ENOX2: variants seen among roughly 807,000 people sequenced by gnomAD.
ENOX2 encodes ecto-NOX disulfide-thiol exchanger 2.
Under a neutral mutation model 45.0 loss-of-function variants are expected in ENOX2, and 36 were observed. The ratio of observed to expected loss-of-function variants is 0.80; its 90% CI spans 0.61 to 1.06. The LOEUF is 1.06. ENOX2 is among the 50% of genes least tolerant of loss of function. The probability of loss-of-function intolerance (pLI) is 0.00; values close to 1 mark genes in which losing one functional copy is unlikely to be tolerated. For missense variants in ENOX2, 423 were observed against 462.5 expected (o/e 0.91, Z 0.78); for synonymous variants, 174 against 152.3 (o/e 1.14, Z -1.05).
intron 3 of ENOX2, among the ~76,000 whole-genome samples, chrX:130,769,957 G>A (rs764885877): frequency 1.1e-4 from 12 of 112,097 alleles, no homozygotes; most frequent in Admixed American, 3.8e-4. Flanking sequence ...AGAAGAAGAC[G>A]TTCCATTTCC....
intron 2 of ENOX2, among the ~76,000 whole-genome samples, chrX:130,843,864 A>G (rs1345540499): frequency 3.6e-5 from 4 of 112,042 alleles, no homozygotes; most frequent in East Asian, 2.8e-4. Context: ...GTGATTCTCT[A>G]TTTCTCTGCT....
At chrX:130,853,253 G>A (rs1048900073) in intron 2 of ENOX2, among the ~76,000 whole-genome samples, 3 of 108,989 alleles carry the variant, frequency 2.8e-5, no homozygotes, top group Non-Finnish European at 5.7e-5. Flanking sequence ...CGAGGCGGGC[G>A]GATCACGAGG....
At chrX:130,683,260 C>G (rs959384098) in intron 5 of ENOX2, among the ~76,000 whole-genome samples, 27 of 111,832 alleles carry the variant, frequency 2.4e-4, no homozygotes, top group African/African-American at 8.8e-4. Context: ...CATCACAGAT[C>G]ACTCAGCTGG....
Position 130,853,268 on chromosome X carries a change from G to A in ENOX2, c.-183+48416C>T, listed in dbSNP as rs888521032. Among the ~76,000 whole-genome samples the A allele has an allele frequency of 8.3e-5, 9 of 108,853 alleles. No homozygotes were observed. In the South Asian group the frequency reaches 2.9e-3, roughly 35 times the overall value. The allele number at this position is 108,853 out of a possible 115,157, so 94.5% of individuals were successfully genotyped here. Reference sequence around the variant, plus strand: ...CGAGGCGGGCGGATCACGAGGTCAGGAGATGAGACCAAGGTGAAACCCCGT... The same window carrying A: ...CGAGGCGGGCGGATCACGAGGTCAGAAGATGAGACCAAGGTGAAACCCCGT... On this transcript the variant is annotated intron_variant, in intron 2 of 14. Coordinates refer to ENST00000394363, the MANE Select transcript of ENOX2 (RefSeq NM_006375.4).
intron 3 of ENOX2, among the ~76,000 whole-genome samples, chrX:130,715,493 A>G (rs938475590): frequency 8.9e-6 from 1 of 111,870 alleles, no homozygotes; most frequent in African/African-American, 3.2e-5. Flanking sequence ...CAATTTGACA[A>G]ATAATCAAAA....
chrX:130,672,102 C>T (rs982172285), intron 6 of ENOX2, among the ~76,000 whole-genome samples: 12 of 111,337 alleles, frequency 1.1e-4, no homozygotes, highest in Non-Finnish European at 2.3e-4. Flanking sequence ...ACTGGTCATA[C>T]TAAGGAGAAA....
rs1405901964 is a variant in ENOX2 at position 130,656,626 on chromosome X, C to T, written c.1084G>A (p.Asp362Asn). The change falls in exon 10 of 15, where the codon GAT becomes AAT. Residue 362 changes from aspartate to asparagine, a missense_variant. Physicochemically the swap from Asp to Asn is conservative, Grantham distance 23. Coordinates refer to ENST00000394363, the MANE Select transcript of ENOX2 (RefSeq NM_006375.4). ...GTTTCTGTCATTTCTTCTATTTCATCATCAGACATTTCCATTTCTTCTTCT... is the reference window on the plus strand; with the variant it reads ...GTTTCTGTCATTTCTTCTATTTCATTATCAGACATTTCCATTTCTTCTTCT... The part of the protein sequence containing the change: ...RREEEMEMSD[D>N]EIEEMTETKE... 2.5e-6 allele frequency: 3 copies of T among 1,179,591 alleles called. No individual in the cohort carries two copies. Among genetic ancestry groups the T allele is most frequent in the East Asian group, 3.0e-5 (1 of 33,569 alleles).
intron 1 of ENOX2, among the ~76,000 whole-genome samples, chrX:130,902,760 CA>C (rs1408336772): frequency 2.1e-5 from 2 of 95,976 alleles, no homozygotes; most frequent in Non-Finnish European, 4.1e-5. Flanking sequence ...GGCACAGAGC[CA>C]GGGGGAGGGG....
chrX:130,665,606 TC>T (rs760816362), intron 9 of ENOX2, 36 bp downstream of exon 9: 6 of 962,618 alleles, frequency 6.2e-6, no homozygotes, highest in Non-Finnish European at 8.8e-6. Flanking sequence ...AAAGAAACTG[TC>T]CCCCCAAGGG....
intron 2 of ENOX2, among the ~76,000 whole-genome samples, chrX:130,844,809 TG>T (rs2078071400): frequency 8.9e-6 from 1 of 111,980 alleles, no homozygotes; most frequent in African/African-American, 3.3e-5. Flanking sequence ...TGCAAAGCTA[TG>T]GAAACATGTA....
chrX:130,880,084 T>C (rs1430011010), intron 2 of ENOX2, among the ~76,000 whole-genome samples: 5 of 111,732 alleles, frequency 4.5e-5, no homozygotes, highest in Admixed American at 9.5e-5. Flanking sequence ...GATACAACAA[T>C]GAATTCTGGG....
intron 13 of ENOX2, among the ~76,000 whole-genome samples, chrX:130,628,898 AT>A (rs199832451): frequency 0.13 from 13,503 of 103,203 alleles, 759 homozygotes; most frequent in East Asian, 0.27. Flanking sequence ...CTTTCTTTCA[AT>A]TTTTTTTTTT....
intron 2 of ENOX2, among the ~76,000 whole-genome samples, chrX:130,879,050 T>C (rs1018406933): frequency 6.3e-5 from 7 of 111,924 alleles, no homozygotes; most frequent in African/African-American, 2.3e-4. Context: ...ATGCAGATTG[T>C]ACAACTTCCA....
chrX:130,718,251 A>G (rs985415133), intron 3 of ENOX2, among the ~76,000 whole-genome samples: 5 of 112,185 alleles, frequency 4.5e-5, no homozygotes, highest in African/African-American at 1.6e-4. Flanking sequence ...TGTTCTTTAA[A>G]TGAATCCCTG....
At chrX:130,889,645 TA>T (rs2078956583) in intron 2 of ENOX2, among the ~76,000 whole-genome samples, 1 of 111,857 alleles carries the variant, frequency 8.9e-6, no homozygotes, top group Non-Finnish European at 1.9e-5. Flanking sequence ...GAGAGCTTTC[TA>T]ATCAGAAACA....
intron 2 of ENOX2, among the ~76,000 whole-genome samples, chrX:130,813,704 G>A (rs889521428): frequency 1.8e-5 from 2 of 111,606 alleles, no homozygotes; most frequent in African/African-American, 3.3e-5. Flanking sequence ...GCCATAAAAC[G>A]GTGAATTCCG....
chrX:130,631,361 C>G (rs960509560), intron 13 of ENOX2, 107 bp downstream of exon 13: 1 of 510,143 alleles, frequency 2.0e-6, no homozygotes, highest in African/African-American at 2.3e-5. Context: ...CTTGCGCTGC[C>G]ATGCTTCATA....
chrX:130,734,649 G>A (rs775312938), intron 3 of ENOX2, among the ~76,000 whole-genome samples: 22 of 112,012 alleles, frequency 2.0e-4, no homozygotes, highest in African/African-American at 7.1e-4. Context: ...ACAACTGAGT[G>A]TTGACATCTC....
At chrX:130,670,804 G>C (rs1420627848) in intron 6 of ENOX2, among the ~76,000 whole-genome samples, 1 of 109,297 alleles carries the variant, frequency 9.1e-6, no homozygotes, top group Non-Finnish European at 1.9e-5. Flanking sequence ...AAAAGATGTA[G>C]TGTGATTATA....
Sources: gnomAD v4.1 joint callset for allele counts (sites outside exome capture counted in the v4.1 genomes callset) on GRCh38, gnomAD v4.1.1 for gene constraint, MANE v1.5 for transcripts, NCBI Gene and HGNC (gene_info 2026-07-23, HGNC 2026-07-21) for gene names.